DMD: variants seen among roughly 807,000 people sequenced by gnomAD.
The protein encoded by DMD is mutant dystrophin.
DMD carries 63 observed loss-of-function variants against 330.1 expected under a neutral mutation model. The observed-to-expected ratio is 0.19, with a 90% CI of 0.16 to 0.24. DMD has a LOEUF of 0.24. DMD is among the 10% of genes least tolerant of loss of function. DMD has a pLI of 1.00. For synonymous variants in DMD, 1,223 were observed against 959.8 expected (o/e 1.27, Z -5.07); for missense variants, 3,344 against 2,684.1 (o/e 1.25, Z -5.43).
rs397941115 is a variant in DMD at position 33,168,473 on chromosome X, C to CT, written c.31+42808dup. Among the ~76,000 whole-genome samples the CT allele has an allele frequency of 6.8e-3, 696 of 102,924 alleles. 1 individual carries two copies. The highest frequency in any genetic ancestry group is 0.023 in the African/African-American group (651 of 28,528). The allele number at this position is 102,924 out of a possible 115,157, so 89.4% of individuals were successfully genotyped here. On this transcript the variant is annotated intron_variant, in intron 1 of 78. Transcript: ENST00000357033. Reference sequence around the variant, plus strand: ...ATCCTAGAAAATTCCTGATATATAGCTTTTTTTTTTGGAAACTTGCATTCA... The same window carrying CT: ...ATCCTAGAAAATTCCTGATATATAGCTTTTTTTTTTTGGAAACTTGCATTCA...
At chrX:31,587,652 T>TTTTCTGGG (rs914860550) in intron 55 of DMD, among the ~76,000 whole-genome samples, 11 of 111,433 alleles carry the variant, frequency 9.9e-5, no homozygotes, top group African/African-American at 3.3e-4. Flanking sequence ...CCTTATGACT[T>TTTTCTGGG]TTTCTGGGTC....
intron 77 of DMD, 117 bp downstream of exon 77, chrX:31,133,985 T>C (rs1602032676): frequency 4.8e-6 from 3 of 619,693 alleles, no homozygotes; most frequent in East Asian, 6.8e-5. Flanking sequence ...TGGACCCAAA[T>C]TGCCATTCTG....
At chrX:31,430,793 C>CTTTTTT (rs565087970) in intron 60 of DMD, among the ~76,000 whole-genome samples, 1 of 48,336 alleles carries the variant, frequency 2.1e-5, no homozygotes, top group African/African-American at 9.3e-5. Context: ...AAGTTAAGGT[C>CTTTTTT]TTTTTTTTTT....
intron 44 of DMD, among the ~76,000 whole-genome samples, chrX:32,196,208 T>C (rs12009881): frequency 0.026 from 2,951 of 112,563 alleles, 83 homozygotes; most frequent in African/African-American, 0.09. Flanking sequence ...TAGCCATTAA[T>C]GCTGTCTTTC....
chrX:32,420,102 A>G (rs772264348), intron 29 of DMD, among the ~76,000 whole-genome samples: 1 of 111,998 alleles, frequency 8.9e-6, no homozygotes, highest in African/African-American at 3.2e-5. Context: ...AAGCTTTCTC[A>G]AGGTACCTTC....
intron 7 of DMD, among the ~76,000 whole-genome samples, chrX:32,780,905 C>T (rs781000110): frequency 3.4e-4 from 36 of 106,891 alleles, no homozygotes; most frequent in Non-Finnish European, 6.4e-4. Context: ...TCCTGGCTAA[C>T]ACAGTGAAAC....
rs142137802 is a variant in DMD, at chrX:32,805,220, A to C, written c.649+4273T>G. Among the ~76,000 whole-genome samples, 155 of 112,031 alleles carry C rather than the reference A, an allele frequency of 1.4e-3. 1 individual carries two copies. In the East Asian group the frequency reaches 0.037, roughly 27 times the overall value. ...GAAGGAAGCTAAGAACCTTGAAAAA[A>C]GGTTAGAGGAGTTGCTAACTACAAT... On this transcript the variant is annotated intron_variant, in intron 7 of 78. Coordinates refer to ENST00000357033, the MANE Select transcript of DMD (RefSeq NM_004006.3).
intron 7 of DMD, among the ~76,000 whole-genome samples, chrX:32,727,431 C>A (rs941008502): frequency 2.7e-5 from 3 of 111,139 alleles, no homozygotes; most frequent in African/African-American, 9.8e-5. Context: ...GTTCAAGCAA[C>A]TGACTAGACC....
At chrX:32,851,289 C>G (rs943818986) in intron 2 of DMD, among the ~76,000 whole-genome samples, 3 of 111,549 alleles carry the variant, frequency 2.7e-5, no homozygotes, top group Non-Finnish European at 3.8e-5. Context: ...CCTGCGGCAA[C>G]CAACCAGTCC....
chrX:32,550,454 G>T (rs1432811397), intron 16 of DMD, among the ~76,000 whole-genome samples: 1 of 111,289 alleles, frequency 9.0e-6, no homozygotes, highest in East Asian at 2.8e-4. Context: ...AATTTAAAAA[G>T]ATGTAACATA....
At position 32,833,975 on chromosome X, in the gene DMD, A is replaced by G. The variant is rs1305269463; in HGVS notation, c.265-10588T>C. ...TTATTTTAAATGAGAACATGCTGCA[A>G]TTTAAGAGTAGTTATATTACCTTGC... is the stretch of plus-strand genomic sequence containing the variant. On this transcript the variant is annotated intron_variant, in intron 4 of 78. Coordinates refer to ENST00000357033, the MANE Select transcript of DMD (RefSeq NM_004006.3). Among the ~76,000 whole-genome samples the G allele has an allele frequency of 4.5e-5, 5 of 111,369 alleles. No homozygotes were observed. In the Admixed American group the frequency reaches 4.8e-4, roughly 11 times the overall value.
At chrX:32,899,716 A>G (rs914915188) in intron 2 of DMD, among the ~76,000 whole-genome samples, 2 of 110,855 alleles carry the variant, frequency 1.8e-5, no homozygotes, top group African/African-American at 3.3e-5. Flanking sequence ...GAAAGAAAGA[A>G]AAAGTGTTTG....
intron 18 of DMD, 158 bp downstream of exon 18, chrX:32,517,850 G>T (rs1392207466): frequency 3.3e-6 from 2 of 606,764 alleles, no homozygotes; most frequent in South Asian, 3.0e-5. Flanking sequence ...GCTAAACTTT[G>T]ATTTTGCTTG....
intron 44 of DMD, among the ~76,000 whole-genome samples, chrX:32,194,263 T>C (rs1199507029): frequency 9.0e-6 from 1 of 111,646 alleles, no homozygotes; most frequent in Non-Finnish European, 1.9e-5. Flanking sequence ...GGATGTGTTT[T>C]GACAATTGAA....
chrX:32,578,463 C>T (rs2053304059), intron 13 of DMD, among the ~76,000 whole-genome samples: 3 of 112,130 alleles, frequency 2.7e-5, no homozygotes, highest in Non-Finnish European at 3.8e-5. Context: ...ACTCCATTAT[C>T]GTCCATGCTC....
At position 33,030,251 on chromosome X, in the gene DMD, G is replaced by C. The variant is rs766289619; in HGVS notation, c.32-10051C>G. On this transcript the variant is annotated intron_variant, in intron 1 of 78. Transcript: ENST00000357033. ...ATTATTTCATAAAATAGACACGATT[G>C]CTACGTGGCAGCCATGTTAATAATT... Among the ~76,000 whole-genome samples, 9 of 111,667 alleles carry C rather than the reference G, an allele frequency of 8.1e-5. No individual in the cohort carries two copies. In the East Asian group the frequency reaches 2.5e-3, roughly 31 times the overall value.
intron 44 of DMD, among the ~76,000 whole-genome samples, chrX:32,054,894 G>GGAGGA (rs1307697921): frequency 1.8e-4 from 18 of 98,933 alleles, no homozygotes; most frequent in Non-Finnish European, 3.3e-4. Flanking sequence ...GGAGGGGAGG[G>GGAGGA]GAGGAGAGAG....
intron 23 of DMD, 112 bp from the exon 24 acceptor site, chrX:32,464,811 A>G: frequency 1.7e-6 from 1 of 584,019 alleles, no homozygotes; most frequent in Non-Finnish European, 3.0e-6. Context: ...TGTTTAAAGG[A>G]TGTCTCTAAG....
At chrX:33,137,918 TCAC>T (rs1025985038) in intron 1 of DMD, among the ~76,000 whole-genome samples, 1 of 112,068 alleles carries the variant, frequency 8.9e-6, no homozygotes, top group Non-Finnish European at 1.9e-5. Flanking sequence ...TAACAAAACA[TCAC>T]CACAATGAAT....
Sources: allele counts gnomAD v4.1 joint callset (sites outside exome capture counted in the v4.1 genomes callset), GRCh38; gene constraint gnomAD v4.1.1; transcripts MANE v1.5; gene names NCBI Gene and HGNC (gene_info 2026-07-23, HGNC 2026-07-21).